PRKD2: variants seen among roughly 807,000 people sequenced by gnomAD.
The protein encoded by PRKD2 is serine/threonine-protein kinase D2.
PRKD2 carries 22 observed loss-of-function variants against 86.0 expected under a neutral mutation model. That is an observed-to-expected ratio of 0.26 (90% CI 0.18 to 0.37). The LOEUF (loss-of-function observed/expected upper bound fraction) is 0.37. Among genes scored for constraint, PRKD2 ranks in the 10% least tolerant of loss-of-function variants. The pLI, the probability that PRKD2 is intolerant of heterozygous loss-of-function variation, is 1.00. For synonymous variants in PRKD2, 509 were observed against 510.9 expected (o/e 1.00, Z 0.05); for missense variants, 818 against 1,199.2 (o/e 0.68, Z 4.70).
At chr19:46,702,040 T>G (rs1408855347) in intron 5 of PRKD2, among the ~76,000 whole-genome samples, 1 of 145,142 alleles carries the variant, frequency 6.9e-6, no homozygotes, top group Non-Finnish European at 1.5e-5. Context: ...TGTTTTTTGT[T>G]TTTTTTTTTT....
chr19:46,686,259 C>T (rs1246156453), intron 14 of PRKD2: 1 of 151,872 alleles, frequency 6.6e-6, no homozygotes, highest in African/African-American at 2.4e-5. Context: ...TAACCCAGAA[C>T]TTTGGGAGGC....
intron 15 of PRKD2, 62 bp downstream of exon 15, chr19:46,681,588 A>ACCCC: frequency 8.0e-6 from 2 of 250,490 alleles, no homozygotes; most frequent in Non-Finnish European, 1.7e-5. Context: ...CCCCTTCCCC[A>ACCCC]CCCCCACCCC....
At chr19:46,709,544 A>G (rs1192032841) in intron 3 of PRKD2, among the ~76,000 whole-genome samples, 1 of 152,040 alleles carries the variant, frequency 6.6e-6, no homozygotes, top group African/African-American at 2.4e-5. Context: ...TATTTTTAGT[A>G]GAGACGGGGT....
At chr19:46,684,122 C>A (rs1204143186) in intron 14 of PRKD2, among the ~76,000 whole-genome samples, 1 of 151,968 alleles carries the variant, frequency 6.6e-6, no homozygotes, top group East Asian at 1.9e-4. Context: ...TGATTGTTTT[C>A]TTTTTTAAAA....
intron 2 of PRKD2, 27 bp downstream of exon 2, chr19:46,713,836 G>T: frequency 2.2e-6 from 1 of 447,146 alleles, no homozygotes. Flanking sequence ...CCGAGGCCCC[G>T]CCCCCAGGCC....
intron 9 of PRKD2, among the ~76,000 whole-genome samples, chr19:46,695,761 A>C (rs2122695235): frequency 6.6e-6 from 1 of 152,270 alleles, no homozygotes; most frequent in East Asian, 1.9e-4. Flanking sequence ...GGAAAGAATG[A>C]ATGACTTAGG....
chr19:46,681,583 T>TGGCC, intron 15 of PRKD2, 67 bp downstream of exon 15: 1 of 671,502 alleles, frequency 1.5e-6, no homozygotes, highest in Non-Finnish European at 2.6e-6. Flanking sequence ...ATAATCCCCT[T>TGGCC]CCCCACCCCC....
chr19:46,711,139 T>C, intron 2 of PRKD2, 101 bp from the exon 3 acceptor site: 1 of 1,436,640 alleles, frequency 7.0e-7, no homozygotes, highest in Non-Finnish European at 9.4e-7. Flanking sequence ...AGCCGCAAGG[T>C]GTGATCTTTC....
chr19:46,709,794 G>A (rs143734400), intron 3 of PRKD2, among the ~76,000 whole-genome samples: 104 of 152,312 alleles, frequency 6.8e-4, no homozygotes, highest in African/African-American at 2.3e-3. Context: ...GAGACTTTTC[G>A]GATGAAGAAA....
chr19:46,716,373 G>C lies in PRKD2; in HGVS notation c.-3C>G, dbSNP rs2053881864. 10 of 1,404,842 alleles carry C rather than the reference G, an allele frequency of 7.1e-6. No individual in the cohort carries two copies. The highest frequency in any genetic ancestry group is 4.7e-5 in the South Asian group (3 of 64,420). 87.0% of individuals were successfully genotyped at this position (1,404,842 alleles called of 1,614,324 possible). On this transcript the variant is annotated 5_prime_UTR_variant, in exon 1 of 18. Transcript: ENST00000291281. The surrounding 1 kb of genome is among the most constrained non-coding windows in gnomAD (Gnocchi z 7.9). ...GGATAAGAGGGGGCGGTGGCCATGG[G>C]GGGAGGCCGGGGACCGGCCGCCTGG...
At chr19:46,689,256 G>C (rs2122641671) in intron 14 of PRKD2, among the ~76,000 whole-genome samples, 1 of 150,978 alleles carries the variant, frequency 6.6e-6, no homozygotes, top group African/African-American at 2.4e-5. Context: ...CGAGTAGCTG[G>C]GACTACAGGC....
intron 2 of PRKD2, among the ~76,000 whole-genome samples, chr19:46,711,629 G>T (rs2053810508): frequency 6.6e-6 from 1 of 152,110 alleles, no homozygotes; most frequent in Non-Finnish European, 1.5e-5. Flanking sequence ...CCGACCTCAG[G>T]TGATCTGCCC....
At position 46,690,672 on chromosome 19, in the gene PRKD2, A is replaced by G. The variant is rs1035532154; in HGVS notation, c.1737T>C (p.Val579=). Residue 579 remains valine (V), a synonymous_variant, in exon 13 of 18, where the codon GTT becomes GTC. Coordinates refer to ENST00000291281, the MANE Select transcript of PRKD2 (RefSeq NM_016457.5). ...GGAAGCGCAGTTTGTCAATGACCTT[A>G]ACTGCCACGTCCCGGCCTGTCTTCC... The part of the protein sequence containing the change: ...KHRKTGRDVA[V]KVIDKLRFPT... 6.2e-7 allele frequency: 1 copy of G among 1,614,026 alleles called. No homozygotes were observed. Among genetic ancestry groups the G allele is most frequent in the African/African-American group, 1.3e-5 (1 of 74,920 alleles).
At chr19:46,688,154 C>T (rs572392132) in intron 14 of PRKD2, among the ~76,000 whole-genome samples, 5 of 151,712 alleles carry the variant, frequency 3.3e-5, no homozygotes, top group Admixed American at 6.6e-5. Flanking sequence ...CCTCCCAAAG[C>T]GCTGGGATTA....
chr19:46,691,314 C>A (rs570471853), intron 12 of PRKD2, among the ~76,000 whole-genome samples: 2 of 152,188 alleles, frequency 1.3e-5, no homozygotes, highest in Admixed American at 6.6e-5. Flanking sequence ...AATCTAGGAT[C>A]TAGCTCTGTG....
At chr19:46,692,951 T>C (rs1175814963) in intron 10 of PRKD2, among the ~76,000 whole-genome samples, 1 of 152,212 alleles carries the variant, frequency 6.6e-6, no homozygotes, top group African/African-American at 2.4e-5. Context: ...TTGTATGGGT[T>C]AATGATCAAT....
chr19:46,700,422 C>A (rs2053619465), intron 7 of PRKD2, among the ~76,000 whole-genome samples: 1 of 150,868 alleles, frequency 6.6e-6, no homozygotes, highest in Non-Finnish European at 1.5e-5. Flanking sequence ...GCTCAGGAGT[C>A]AGGAGTTCAA....
intron 14 of PRKD2, 64 bp downstream of exon 14, chr19:46,689,470 ATAC>A (rs2053451662): frequency 2.6e-6 from 4 of 1,521,470 alleles, no homozygotes; most frequent in Admixed American, 4.0e-5. Flanking sequence ...CCCCCTAGGC[ATAC>A]AGGGCCTCTC....
intron 15 of PRKD2, among the ~76,000 whole-genome samples, chr19:46,679,101 G>A (rs553773305): frequency 5.9e-5 from 9 of 152,198 alleles, no homozygotes; most frequent in African/African-American, 2.2e-4. Context: ...TCAGCACTTT[G>A]GGAGGCCAAG....
Sources: gnomAD v4.1 joint callset for allele counts (sites outside exome capture counted in the v4.1 genomes callset) on GRCh38, gnomAD v4.1.1 for gene constraint, Gnocchi (gnomAD v3.1) non-coding constraint, MANE v1.5 for transcripts, NCBI Gene and HGNC (gene_info 2026-07-23, HGNC 2026-07-21) for gene names.